The following BMPR1A variants were observed in gnomAD, a reference collection of about 807,000 sequenced individuals.
BMPR1A encodes the protein bone morphogenetic protein receptor type-1A.
Under a neutral mutation model 66.0 loss-of-function variants are expected in BMPR1A, and 7 were observed. The observed-to-expected ratio is 0.11, with a 90% CI of 0.06 to 0.20. The LOEUF is 0.20. Among genes scored for constraint, BMPR1A ranks in the 10% least tolerant of loss-of-function variants. The pLI is 1.00. For missense variants in BMPR1A, 408 were observed against 669.1 expected, an observed-to-expected ratio of 0.61 and a Z score of 4.31; for synonymous variants, 200 against 229.7, an observed-to-expected ratio of 0.87 and a Z score of 1.17.
rs1353659461 is a variant in BMPR1A at position 86,756,837 on chromosome 10, T to G, written c.-350T>G. 3 of 151,486 alleles carry G rather than the reference T, an allele frequency of 2.0e-5. No individual in the cohort carries two copies. Among genetic ancestry groups the G allele is most frequent in the Non-Finnish European group, 2.9e-5 (2 of 67,884 alleles). 9.4% of individuals were successfully genotyped at this position (151,486 alleles called of 1,614,324 possible). A position where few individuals can be genotyped will look rare whatever the true frequency, so the allele number is the denominator to read the frequency against. ...GCTGCACGCCAAGGGCGAAGGCCGATTCGGGCCCCACTTCGCCCCGGCGGC... is the reference window on the plus strand; with the variant it reads ...GCTGCACGCCAAGGGCGAAGGCCGAGTCGGGCCCCACTTCGCCCCGGCGGC... On this transcript the variant is annotated 5_prime_UTR_variant, in exon 1 of 13. Coordinates refer to ENST00000372037, the MANE Select transcript of BMPR1A (RefSeq NM_004329.3).
chr10:86,818,329 T>C (rs1233894702), intron 1 of BMPR1A, among the ~76,000 whole-genome samples: 1 of 152,204 alleles, frequency 6.6e-6, no homozygotes, highest in Non-Finnish European at 1.5e-5. Flanking sequence ...CTAATAATTT[T>C]AGGGAGCAGA....
intron 1 of BMPR1A, among the ~76,000 whole-genome samples, chr10:86,837,247 C>CTGTGTGTGTGTGTGTCTG (rs566199959): frequency 0.021 from 2,872 of 138,164 alleles, 92 homozygotes; most frequent in African/African-American, 0.071. Flanking sequence ...GTGTGTGTGT[C>CTGTGTGTGTGTGTGTCTG]TGTGTGTGTG....
At chr10:86,813,409 G>T (rs1841995271) in intron 1 of BMPR1A, among the ~76,000 whole-genome samples, 1 of 152,072 alleles carries the variant, frequency 6.6e-6, no homozygotes. Context: ...CAGGACTGTT[G>T]GGGTGTTCTA....
At chr10:86,819,824 T>G (rs1338641510) in intron 1 of BMPR1A, among the ~76,000 whole-genome samples, 1 of 152,218 alleles carries the variant, frequency 6.6e-6, no homozygotes, top group African/African-American at 2.4e-5. Context: ...CTTATGTACA[T>G]GTTAACTGTG....
intron 1 of BMPR1A, among the ~76,000 whole-genome samples, chr10:86,805,043 T>C (rs974064946): frequency 1.3e-5 from 2 of 152,042 alleles, no homozygotes; most frequent in Admixed American, 6.6e-5. Context: ...TCCCTGTCTC[T>C]CCCCACATGT....
intron 1 of BMPR1A, among the ~76,000 whole-genome samples, chr10:86,774,829 C>A (rs1435166542): frequency 6.6e-6 from 1 of 152,134 alleles, no homozygotes; most frequent in Non-Finnish European, 1.5e-5. Flanking sequence ...ACAATACAAC[C>A]ATCTCAGTTA....
chr10:86,769,675 T>C (rs1460145065), intron 1 of BMPR1A, among the ~76,000 whole-genome samples: 1 of 152,168 alleles, frequency 6.6e-6, no homozygotes, highest in Non-Finnish European at 1.5e-5. Context: ...AGCACTGTAG[T>C]TTTTCTTCCC....
At chr10:86,779,973 C>A (rs11591412) in intron 1 of BMPR1A, among the ~76,000 whole-genome samples, 43,089 of 151,988 alleles carry the variant, frequency 0.28, 7,532 homozygotes, top group East Asian at 0.72. Flanking sequence ...TAGTGCGATC[C>A]TAACTCATTA....
Position 86,919,319 on chromosome 10 carries a change from C to G in BMPR1A, c.1016C>G (p.Ala339Gly), listed in dbSNP as rs1564724243. 1 of 1,613,786 alleles carries G rather than the reference C, an allele frequency of 6.2e-7. No individual in the cohort carries two copies. Among genetic ancestry groups the G allele is most frequent in the Non-Finnish European group, 8.5e-7 (1 of 1,179,868 alleles). The change falls in exon 10 of 13, where the codon GCC becomes GGC. Residue 339 changes from alanine (A) to glycine (G), a missense_variant. Ala to Gly is a moderately conservative substitution (Grantham distance 60). Around this residue, in one of 5 missense-constraint regions of BMPR1A, gnomAD observed 130 missense variants for 257.3 expected, o/e 0.51. Transcript: ENST00000372037. ...CTGCTTAAATTGGCTTATTCAGCTG[C>G]CTGTGGTCTGTGCCACCTGCACACA... ...RALLKLAYSA[A>G]CGLCHLHTEI...
At chr10:86,928,488 TGCTGA>T (rs1159233287), downstream of BMPR1A, 1 of 151,704 alleles carries the variant, frequency 6.6e-6, no homozygotes, top group African/African-American at 2.4e-5. Flanking sequence ...CCTCCCAAAG[TGCTGA>T]GCTTACAGGC....
intron 1 of BMPR1A, among the ~76,000 whole-genome samples, chr10:86,808,284 A>G (rs1205581990): frequency 6.6e-6 from 1 of 151,898 alleles, no homozygotes; most frequent in African/African-American, 2.4e-5. Flanking sequence ...GATACTAGCT[A>G]TTTGTGTCAT....
At chr10:86,820,687 C>G (rs569643769) in intron 1 of BMPR1A, among the ~76,000 whole-genome samples, 27 of 152,194 alleles carry the variant, frequency 1.8e-4, no homozygotes, top group South Asian at 4.1e-4. Context: ...CTTGCCCTCC[C>G]CCCGGACTTC....
intron 1 of BMPR1A, among the ~76,000 whole-genome samples, chr10:86,835,307 T>C (rs1467928283): frequency 1.3e-5 from 2 of 148,832 alleles, no homozygotes; most frequent in Non-Finnish European, 3.0e-5. Flanking sequence ...GGCTCACGCC[T>C]GTAATCCTAG....
intron 5 of BMPR1A, among the ~76,000 whole-genome samples, chr10:86,896,791 T>C (rs1314438934): frequency 6.6e-6 from 1 of 152,192 alleles, no homozygotes; most frequent in East Asian, 1.9e-4. Context: ...ATGGTGAAAA[T>C]TTTTAAGTGT....
intron 2 of BMPR1A, among the ~76,000 whole-genome samples, chr10:86,847,885 C>A (rs1160494668): frequency 6.6e-6 from 1 of 151,836 alleles, no homozygotes; most frequent in African/African-American, 2.4e-5. Flanking sequence ...TTGTGTATTC[C>A]ATTCCCTGTT....
intron 1 of BMPR1A, among the ~76,000 whole-genome samples, chr10:86,757,544 G>GA (rs555677932): frequency 1.5e-4 from 23 of 151,178 alleles, no homozygotes; most frequent in African/African-American, 3.9e-4. Context: ...ATTTGGCAAG[G>GA]AAAAAAAAAT....
intron 2 of BMPR1A, among the ~76,000 whole-genome samples, chr10:86,851,621 G>T (rs1842569134): frequency 6.6e-6 from 1 of 152,178 alleles, no homozygotes; most frequent in Non-Finnish European, 1.5e-5. Flanking sequence ...TGGGATTGAG[G>T]ATTGCATACA....
intron 7 of BMPR1A, among the ~76,000 whole-genome samples, chr10:86,901,052 ATCAC>A (rs1843301342): frequency 6.6e-6 from 1 of 152,220 alleles, no homozygotes; most frequent in Non-Finnish European, 1.5e-5. Flanking sequence ...GGTCTCTGGG[ATCAC>A]TCACTCTGGG....
intron 3 of BMPR1A, among the ~76,000 whole-genome samples, chr10:86,880,825 G>C (rs1235067932): frequency 6.6e-6 from 1 of 152,174 alleles, no homozygotes; most frequent in Non-Finnish European, 1.5e-5. Flanking sequence ...TCAGTGACCA[G>C]TTTGAATTGA....
Sources: allele counts gnomAD v4.1 joint callset (sites outside exome capture counted in the v4.1 genomes callset), GRCh38; gene constraint gnomAD v4.1.1; regional missense constraint gnomAD v4.1.1; transcripts MANE v1.5; gene names NCBI Gene and HGNC (gene_info 2026-07-23, HGNC 2026-07-21).